The following TET1 variants were observed in gnomAD, a reference collection of about 807,000 sequenced individuals.
TET1 encodes the protein methylcytosine dioxygenase TET1.
TET1 carries 13 observed loss-of-function variants against 148.7 expected under a neutral mutation model. The ratio of observed to expected loss-of-function variants is 0.09; its 90% CI spans 0.06 to 0.14. TET1 has a LOEUF of 0.14. TET1 is among the 10% of genes least tolerant of loss of function. The pLI is 1.00. For synonymous variants in TET1, 907 were observed against 937.2 expected (o/e 0.97, Z 0.59); for missense variants, 2,182 against 2,553.8 (o/e 0.85, Z 3.14).
At chr10:68,665,103 T>C (rs1356948486) in intron 6 of TET1, among the ~76,000 whole-genome samples, 1 of 152,150 alleles carries the variant, frequency 6.6e-6, no homozygotes, top group African/African-American at 2.4e-5. Context: ...AGATTTGGTG[T>C]AAGCCATTTT....
chr10:68,674,798 G>T, intron 8 of TET1: 1 of 477,642 alleles, frequency 2.1e-6, no homozygotes, highest in South Asian at 1.7e-5. Context: ...CCAATGTTTC[G>T]GCCAAATCTG....
At chr10:68,593,452 TCA>T (rs2053942282) in intron 2 of TET1, among the ~76,000 whole-genome samples, 1 of 152,062 alleles carries the variant, frequency 6.6e-6, no homozygotes, top group African/African-American at 2.4e-5. Context: ...TTTAATTTTT[TCA>T]CTTTTTATGA....
intron 3 of TET1, among the ~76,000 whole-genome samples, chr10:68,627,910 G>A (rs1401957684): frequency 1.3e-5 from 2 of 151,976 alleles, no homozygotes; most frequent in East Asian, 3.8e-4. Context: ...CACTCCAGCC[G>A]GGGCGGCTGA....
At chr10:68,638,449 G>C (rs1229519539) in intron 3 of TET1, among the ~76,000 whole-genome samples, 3 of 152,158 alleles carry the variant, frequency 2.0e-5, no homozygotes, top group Non-Finnish European at 2.9e-5. Flanking sequence ...GGATGTTGGT[G>C]AGTGGAGGAC....
At chr10:68,577,892 T>C (rs1175206536) in intron 2 of TET1, among the ~76,000 whole-genome samples, 1 of 152,160 alleles carries the variant, frequency 6.6e-6, no homozygotes, top group Non-Finnish European at 1.5e-5. Flanking sequence ...GGTGGGAGGA[T>C]AGCTTGAGCC....
intron 3 of TET1, among the ~76,000 whole-genome samples, chr10:68,635,773 G>A (rs550627792): frequency 2.0e-5 from 3 of 152,162 alleles, no homozygotes; most frequent in East Asian, 1.9e-4. Context: ...GGCGGATCAC[G>A]TGAGCTCAGA....
intron 3 of TET1, among the ~76,000 whole-genome samples, chr10:68,621,817 C>T (rs930392520): frequency 1.3e-5 from 2 of 152,098 alleles, no homozygotes; most frequent in Non-Finnish European, 2.9e-5. Flanking sequence ...TTATGAAATC[C>T]ATTCCCTATA....
In TET1 at chr10:68,652,681, AT is replaced by A. The variant is rs573606351; in HGVS notation, c.4461+91del. On this transcript the variant is annotated intron_variant, in intron 6 of 11. Transcript: ENST00000373644. ...ATTTACAATAGCCAGAGTGATCTTT[AT>A]TTTATTTATTCATTTATTTATTTAA... is the stretch of plus-strand genomic sequence containing the variant. The A allele has an allele frequency of 2.1e-3, 1,871 of 882,080 alleles. 5 individuals are homozygous for A. The highest frequency in any genetic ancestry group is 2.8e-3 in the Non-Finnish European group (1,649 of 586,968). The allele number at this position is 882,080 out of a possible 1,614,324, so 54.6% of individuals were successfully genotyped here.
chr10:68,676,217 C>T (rs1369762270), intron 8 of TET1, among the ~76,000 whole-genome samples: 1 of 112,636 alleles, frequency 8.9e-6, no homozygotes, highest in Non-Finnish European at 1.7e-5. Flanking sequence ...TATATATACA[C>T]ATATATATGT....
At chr10:68,681,304 A>G (rs1379626646) in intron 8 of TET1, 95 bp from the exon 9 acceptor site, 3 of 715,472 alleles carry the variant, frequency 4.2e-6, no homozygotes, top group African/African-American at 1.8e-5. Flanking sequence ...TGAATTGTGC[A>G]TTAACCACCA....
At chr10:68,595,919 C>CATAT (rs374124558) in intron 2 of TET1, among the ~76,000 whole-genome samples, 446 of 33,942 alleles carry the variant, frequency 0.013, 2 homozygotes, top group Non-Finnish European at 0.015. Flanking sequence ...CCAGCCAAAA[C>CATAT]ATATATATAT....
rs1210609235 is a variant in TET1, at chr10:68,692,513, A to G, written c.*699A>G. ...GTCTATTGTTTGTGCATATTTGCAT[A>G]CAAGAGAAATCATTTATCCTTGCTG... is the stretch of plus-strand genomic sequence containing the variant. On this transcript the variant is annotated 3_prime_UTR_variant, in exon 12 of 12. Coordinates refer to ENST00000373644, the MANE Select transcript of TET1 (RefSeq NM_030625.3). The G allele has an allele frequency of 1.3e-5, 3 of 232,224 alleles. No homozygotes were observed. The highest frequency in any genetic ancestry group is 2.6e-5 in the Non-Finnish European group (3 of 117,254). 14.4% of individuals were successfully genotyped at this position (232,224 alleles called of 1,614,324 possible). A position where few individuals can be genotyped will look rare whatever the true frequency, so the allele number is the denominator to read the frequency against.
At chr10:68,639,327 C>G (rs771340431) in intron 3 of TET1, among the ~76,000 whole-genome samples, 1 of 151,686 alleles carries the variant, frequency 6.6e-6, no homozygotes, top group Non-Finnish European at 1.5e-5. Context: ...GTGGCTGAGG[C>G]GGGAGAATCA....
intron 2 of TET1, among the ~76,000 whole-genome samples, chr10:68,578,349 C>T (rs958455564): frequency 2.0e-5 from 3 of 152,132 alleles, no homozygotes; most frequent in Non-Finnish European, 4.4e-5. Flanking sequence ...ACCTCCACCT[C>T]CCGGGTTCAA....
chr10:68,617,538 T>TTTTG lies in TET1; in HGVS notation c.1968+16524_1968+16527dup, dbSNP rs200190527. Among the ~76,000 whole-genome samples the TTTTG allele has an allele frequency of 3.3e-3, 508 of 152,184 alleles. 16 individuals are homozygous for TTTTG. In the East Asian group the frequency reaches 0.062, roughly 19 times the overall value. Reference sequence around the variant, plus strand: ...AGCATCCATTGAGGATCTTTGTTTTTTTTGTTTGTTTGTTTGTTTGTTTTG... The same window carrying TTTTG: ...AGCATCCATTGAGGATCTTTGTTTTTTTTGTTTGTTTGTTTGTTTGTTTGTTTTG... On this transcript the variant is annotated intron_variant, in intron 3 of 11. Transcript: ENST00000373644.
chr10:68,682,234 C>G (rs2055446382), intron 9 of TET1, among the ~76,000 whole-genome samples: 1 of 151,416 alleles, frequency 6.6e-6, no homozygotes, highest in Non-Finnish European at 1.5e-5. Flanking sequence ...GCCTCAGCCT[C>G]CCGAGTAGCT....
intron 1 of TET1, among the ~76,000 whole-genome samples, chr10:68,564,498 A>C (rs1487562922): frequency 6.6e-6 from 1 of 152,136 alleles, no homozygotes; most frequent in Non-Finnish European, 1.5e-5. Flanking sequence ...TCTGGTGAAA[A>C]GATCTGTTGA....
At chr10:68,635,630 C>G (rs2054638715) in intron 3 of TET1, among the ~76,000 whole-genome samples, 1 of 152,088 alleles carries the variant, frequency 6.6e-6, no homozygotes, top group Non-Finnish European at 1.5e-5. Flanking sequence ...GGTTATTAAC[C>G]TTAAGCATGG....
At chr10:68,564,420 A>G (rs1240227898) in intron 1 of TET1, among the ~76,000 whole-genome samples, 1 of 152,014 alleles carries the variant, frequency 6.6e-6, no homozygotes, top group Non-Finnish European at 1.5e-5. Flanking sequence ...AAGTGCTGGG[A>G]TTATAGGTGT....
Sources: gnomAD v4.1 joint callset for allele counts (sites outside exome capture counted in the v4.1 genomes callset) on GRCh38, gnomAD v4.1.1 for gene constraint, MANE v1.5 for transcripts, NCBI Gene and HGNC (gene_info 2026-07-23, HGNC 2026-07-21) for gene names.